The following HOXC4 variants were observed in gnomAD, a reference collection of about 807,000 sequenced individuals.
The protein encoded by HOXC4 is homeobox protein Hox-C4.
HOXC4 carries 15 observed loss-of-function variants against 25.5 expected under a neutral mutation model. The observed-to-expected ratio is 0.59, with a 90% CI of 0.39 to 0.91. The LOEUF (loss-of-function observed/expected upper bound fraction) is 0.91. HOXC4 is among the 40% of genes least tolerant of loss of function. The pLI is 0.00. For missense variants in HOXC4, 342 were observed against 352.4 expected (o/e 0.97, Z 0.24); for synonymous variants, 165 against 148.0 (o/e 1.11, Z -0.83).
At chr12:54,037,162 G>GTCAGC (rs1941198930) in intron 1 of HOXC4, among the ~76,000 whole-genome samples, 1 of 152,262 alleles carries the variant, frequency 6.6e-6, no homozygotes, top group South Asian at 2.1e-4. Context: ...ATCGTCGGGA[G>GTCAGC]TCAGCGGCGG....
Position 54,053,985 on chromosome 12 carries a change from A to T in HOXC4, c.63A>T (p.Glu21Asp). The change falls in exon 1 of 2, where the codon GAA (glutamate) becomes GAT (aspartate). Residue 21 changes from glutamate (E) to aspartate (D), a missense_variant. Physicochemically the swap from Glu to Asp is conservative, Grantham distance 45 (BLOSUM62 2). Coordinates refer to ENST00000430889, the MANE Select transcript of HOXC4 (RefSeq NM_153633.3). ...TCGATCCGAAATTTCCTCCATGCGA[A>T]GAATATTCGCAAAATAGCTACATCC... ...NYIDPKFPPC[E>D]EYSQNSYIPE... The T allele has an allele frequency of 6.2e-7, 1 of 1,614,178 alleles. No individual in the cohort carries two copies. Among genetic ancestry groups the T allele is most frequent in the Non-Finnish European group, 8.5e-7 (1 of 1,180,020 alleles).
chr12:54,028,711 A>G (rs1020108081), intron 1 of HOXC4: 2 of 1,613,990 alleles, frequency 1.2e-6, no homozygotes, highest in African/African-American at 2.7e-5. Context: ...TGTCGTGTTC[A>G]GTTCCAGCCG....
intron 1 of HOXC4, among the ~76,000 whole-genome samples, chr12:54,024,239 G>C (rs1464545646): frequency 6.6e-6 from 1 of 152,246 alleles, no homozygotes; most frequent in East Asian, 1.9e-4. Context: ...TGAGACTTGG[G>C]GGTGGTGGGG....
At chr12:54,028,814 C>T (rs1940850609) in intron 1 of HOXC4, 3 of 1,614,168 alleles carry the variant, frequency 1.9e-6, no homozygotes, top group South Asian at 2.2e-5. Flanking sequence ...AACACACAGA[C>T]CTCAATCGCT....
chr12:54,033,262 T>C (rs766531154), intron 1 of HOXC4: 189 of 1,614,132 alleles, frequency 1.2e-4, no homozygotes, highest in Non-Finnish European at 1.6e-4. Context: ...GACTTAAGCA[T>C]CACTTTCCCA....
chr12:54,052,049 G>A (rs1211926663), upstream of HOXC4, among the ~76,000 whole-genome samples: 1 of 152,110 alleles, frequency 6.6e-6, no homozygotes, highest in Non-Finnish European at 1.5e-5. Flanking sequence ...CGTTTTAAAA[G>A]GTACTTATTC....
At chr12:54,027,903 A>AT (rs937846599) in intron 1 of HOXC4, among the ~76,000 whole-genome samples, 22 of 151,130 alleles carry the variant, frequency 1.5e-4, no homozygotes, top group African/African-American at 3.2e-4. Flanking sequence ...TCTACTTTTG[A>AT]TTTTTTTTTA....
At position 54,055,293 on chromosome 12, in the gene HOXC4, T is replaced by C; in HGVS notation, c.*88T>C. 1 of 257,260 alleles carries C rather than the reference T, an allele frequency of 3.9e-6. No homozygotes were observed. Among genetic ancestry groups the C allele is most frequent in the South Asian group, 2.0e-4 (1 of 4,890 alleles). 15.9% of individuals were successfully genotyped at this position (257,260 alleles called of 1,614,324 possible). ...TCTTATTTATAGAATTTAATATATA[T>C]ATATATATATATATATATAGGTTCT... On this transcript the variant is annotated 3_prime_UTR_variant, in exon 2 of 2. Coordinates refer to ENST00000430889, the MANE Select transcript of HOXC4 (RefSeq NM_153633.3).
At chr12:54,052,571 G>GGC (rs1555187287), upstream of HOXC4, among the ~76,000 whole-genome samples, 1 of 116,866 alleles carries the variant, frequency 8.6e-6, no homozygotes, top group Non-Finnish European at 1.8e-5. Context: ...CCCCTAGCTG[G>GGC]GGGGGGGGGG....
At chr12:54,034,413 G>C in intron 1 of HOXC4, 5 of 1,614,182 alleles carry the variant, frequency 3.1e-6, no homozygotes, top group Non-Finnish European at 4.2e-6. Flanking sequence ...CTCAATGAGA[G>C]ACAGATCAAG....
At chr12:54,033,196 G>A in intron 1 of HOXC4, 1 of 1,614,148 alleles carries the variant, frequency 6.2e-7, no homozygotes, top group Non-Finnish European at 8.5e-7. Flanking sequence ...CAAACTTGTG[G>A]GAACTATGGA....
chr12:54,028,374 TGC>T (rs530640872), intron 1 of HOXC4: 12 of 786,192 alleles, frequency 1.5e-5, no homozygotes, highest in South Asian at 8.3e-5. Context: ...ACATCTGGCT[TGC>T]GATTGGCTGG....
intron 1 of HOXC4, among the ~76,000 whole-genome samples, chr12:54,019,184 C>CA (rs1206163712): frequency 7.3e-6 from 1 of 136,336 alleles, no homozygotes; most frequent in East Asian, 2.7e-4. Context: ...CCCACCCCCC[C>CA]ACCCCCAGTA....
intron 1 of HOXC4, chr12:54,028,731 T>C (rs1160353715): frequency 1.2e-6 from 2 of 1,614,018 alleles, no homozygotes; most frequent in East Asian, 4.5e-5. Context: ...GGGGGCCGTA[T>C]GACTATGGAT....
At chr12:54,026,963 G>GT (rs1491358924) in intron 1 of HOXC4, among the ~76,000 whole-genome samples, 2 of 83,494 alleles carry the variant, frequency 2.4e-5, no homozygotes, top group African/African-American at 4.2e-5. Context: ...CCCAAAAATG[G>GT]TGGGGGGGGG....
At chr12:54,031,708 C>A (rs1309906512) in intron 1 of HOXC4, among the ~76,000 whole-genome samples, 1 of 152,216 alleles carries the variant, frequency 6.6e-6, no homozygotes, top group East Asian at 1.9e-4. Flanking sequence ...GCCTCCAGTG[C>A]CTCCACCAGT....
At chr12:54,026,093 T>C (rs930142167) in intron 1 of HOXC4, among the ~76,000 whole-genome samples, 4 of 152,208 alleles carry the variant, frequency 2.6e-5, no homozygotes, top group Non-Finnish European at 5.9e-5. Flanking sequence ...TGACATGATT[T>C]ATCCCTCTAG....
upstream of HOXC4, among the ~76,000 whole-genome samples, chr12:54,051,070 C>A (rs564008886): frequency 6.6e-6 from 1 of 152,034 alleles, no homozygotes; most frequent in Admixed American, 6.5e-5. Context: ...GGGGAGGACT[C>A]CTTAACAAGT....
intron 1 of HOXC4, chr12:54,029,972 T>TC (rs762837267): frequency 6.3e-5 from 97 of 1,530,796 alleles, no homozygotes; most frequent in Non-Finnish European, 8.5e-5. Flanking sequence ...ACCAGGACTG[T>TC]CCCTGCCACC....
Sources: allele counts gnomAD v4.1 joint callset (sites outside exome capture counted in the v4.1 genomes callset), GRCh38; gene constraint gnomAD v4.1.1; transcripts MANE v1.5; gene names NCBI Gene and HGNC (gene_info 2026-07-23, HGNC 2026-07-21).